The following ZNF330 variants were observed in gnomAD, a reference collection of about 807,000 sequenced individuals.
The protein encoded by ZNF330 is zinc finger protein 330.
A neutral mutation model predicts 45.5 loss-of-function variants in ZNF330; 31 were observed. That is an observed-to-expected ratio of 0.68 (90% confidence interval 0.51 to 0.92). The LOEUF (loss-of-function observed/expected upper bound fraction) is 0.92, where lower values mean the gene tolerates loss of function less well. Among genes scored for constraint, ZNF330 ranks in the 40% least tolerant of loss-of-function variants. The pLI is 0.00. For missense variants in ZNF330, 356 were observed against 387.4 expected (o/e 0.92, Z 0.68); for synonymous variants, 138 against 123.2 (o/e 1.12, Z -0.79).
chr4:141,222,592 A>G, intron 2 of ZNF330, 101 bp downstream of exon 2: 1 of 1,328,832 alleles, frequency 7.5e-7, no homozygotes, highest in Non-Finnish European at 1.0e-6. Flanking sequence ...GTGTTTTTGC[A>G]TATAGTTTGT....
At chr4:141,233,562 A>G (rs1048513102) in intron 9 of ZNF330, among the ~76,000 whole-genome samples, 153 bp from the exon 10 acceptor site, 13 of 152,116 alleles carry the variant, frequency 8.5e-5, no homozygotes, top group Admixed American at 6.6e-5. Flanking sequence ...ATGGTGTTGT[A>G]TATAGACTCA....
At position 141,231,470 on chromosome 4, in the gene ZNF330, A is replaced by T; in HGVS notation, c.555A>T (p.Ser185=). Residue 185 remains serine, a synonymous_variant, in exon 8 of 10, where the codon TCA becomes TCT. Transcript: ENST00000262990. ...CATGCAATCGGCTTGGTCAGCACTC[A>T]TGTCTCCGTTGTAAGGTATACCAAT... is the stretch of plus-strand genomic sequence containing the variant. The part of the protein sequence containing the change: ...CVSCNRLGQH[S]CLRCKACFCD... 1 of 1,604,486 alleles carries T rather than the reference A, an allele frequency of 6.2e-7. No individual in the cohort carries two copies. The highest frequency in any genetic ancestry group is 8.5e-7 in the Non-Finnish European group (1 of 1,176,058).
chr4:141,234,093 G>A lies in ZNF330; in HGVS notation c.*104G>A, dbSNP rs1234403993. ...AAGTACCTTAGCCACTTAGCCTTGT[G>A]CAGAAGACTAGTTACACTTAATGGG... On this transcript the variant is annotated 3_prime_UTR_variant, in exon 10 of 10. Coordinates refer to ENST00000262990, the MANE Select transcript of ZNF330 (RefSeq NM_014487.6). The A allele has an allele frequency of 1.3e-6, 2 of 1,489,182 alleles. No individual in the cohort carries two copies. Among genetic ancestry groups the A allele is most frequent in the African/African-American group, 1.4e-5 (1 of 71,170 alleles). 92.2% of individuals were successfully genotyped at this position (1,489,182 alleles called of 1,614,324 possible).
chr4:141,223,143 T>C (rs1224639092), intron 2 of ZNF330, among the ~76,000 whole-genome samples: 2 of 152,224 alleles, frequency 1.3e-5, no homozygotes, highest in Non-Finnish European at 2.9e-5. Context: ...AAACGTTTAT[T>C]GTGCATCTAC....
intron 2 of ZNF330, 61 bp downstream of exon 2, chr4:141,222,552 G>A (rs1222265653): frequency 3.9e-6 from 6 of 1,524,940 alleles, no homozygotes; most frequent in South Asian, 1.2e-5. Context: ...TTTATCTGAC[G>A]TATACCTGAA....
Position 141,231,434 on chromosome 4 carries a change from C to T in ZNF330, c.524-5C>T, listed in dbSNP as rs1728953095. 1.9e-6 allele frequency: 3 copies of T among 1,594,406 alleles called. No homozygotes were observed. Among genetic ancestry groups the T allele is most frequent in the Non-Finnish European group, 2.6e-6 (3 of 1,173,000 alleles). The stretch of plus-strand genomic sequence containing the variant: ...GGGATTTTAAAATTAATCTATTTCC[C>T]ACAGGTGTTTCATGCAATCGGCTTG... On this transcript the variant is annotated splice_polypyrimidine_tract_variant and splice_region_variant and intron_variant, in intron 7 of 9. Coordinates refer to ENST00000262990, the MANE Select transcript of ZNF330 (RefSeq NM_014487.6).
At chr4:141,232,006 G>T (rs1365837493) in intron 8 of ZNF330, among the ~76,000 whole-genome samples, 3 of 152,004 alleles carry the variant, frequency 2.0e-5, no homozygotes, top group Admixed American at 1.3e-4. Context: ...CATTATCTGT[G>T]TTTTCTTTGT....
intron 4 of ZNF330, among the ~76,000 whole-genome samples, chr4:141,225,731 T>C (rs781583440): frequency 2.0e-5 from 3 of 152,054 alleles, no homozygotes; most frequent in Non-Finnish European, 2.9e-5. Flanking sequence ...GGAACACTCA[T>C]ATGGTAGTTT....
At chr4:141,220,704 A>G (rs1728649472), upstream of ZNF330, among the ~76,000 whole-genome samples, 1 of 152,216 alleles carries the variant, frequency 6.6e-6, no homozygotes, top group Admixed American at 6.5e-5. Context: ...CTTTTTCTAA[A>G]AAAGTAAAAC....
At chr4:141,229,756 T>C in intron 6 of ZNF330, 59 bp downstream of exon 6, 1 of 1,606,060 alleles carries the variant, frequency 6.2e-7, no homozygotes, top group Non-Finnish European at 8.5e-7. Flanking sequence ...CTTTGAAACA[T>C]TTTGAATGCT....
chr4:141,220,826 TGGGCGGGGAAG>T (rs1332028454), upstream of ZNF330: 5 of 151,944 alleles, frequency 3.3e-5, no homozygotes, highest in African/African-American at 9.7e-5. Context: ...CCCGCAGGAG[TGGGCGGGGAAG>T]GGGCGGAGCG....
At chr4:141,228,843 C>A (rs1037142105) in intron 5 of ZNF330, among the ~76,000 whole-genome samples, 2 of 152,054 alleles carry the variant, frequency 1.3e-5, no homozygotes, top group African/African-American at 4.8e-5. Flanking sequence ...GTCTTGGGCC[C>A]CATGCTTTTC....
chr4:141,228,764 G>A (rs185314549), intron 5 of ZNF330, among the ~76,000 whole-genome samples: 28 of 152,108 alleles, frequency 1.8e-4, no homozygotes, highest in Non-Finnish European at 3.2e-4. Flanking sequence ...ATAGAATACT[G>A]AATTGAGATT....
chr4:141,230,292 GTTC>G, intron 7 of ZNF330, 22 bp downstream of exon 7: 2 of 1,458,660 alleles, frequency 1.4e-6, no homozygotes, highest in Non-Finnish European at 1.9e-6. Context: ...AGTATTAGAT[GTTC>G]TTTATACCCA....
chr4:141,227,192 A>G (rs1728827770), intron 5 of ZNF330, among the ~76,000 whole-genome samples: 1 of 151,412 alleles, frequency 6.6e-6, no homozygotes, highest in African/African-American at 2.4e-5. Flanking sequence ...CAGGTTTGTT[A>G]CATATGTATA....
At position 141,232,491 on chromosome 4, in the gene ZNF330, T is replaced by A. The variant is rs72935062; in HGVS notation, c.571-34T>A. 8,176 of 1,194,016 alleles carry A rather than the reference T, an allele frequency of 6.8e-3. 454 individuals are homozygous for A. In the African/African-American group the frequency reaches 0.11, roughly 17 times the overall value. 74.0% of individuals were successfully genotyped at this position (1,194,016 alleles called of 1,614,324 possible). On this transcript the variant is annotated intron_variant, in intron 8 of 9. Transcript: ENST00000262990. ...GTCTTTTTGTATATTTTTACATTTTTATTTATTTACTTTATTTTGCTTCTC... is the reference window on the plus strand; with the variant it reads ...GTCTTTTTGTATATTTTTACATTTTAATTTATTTACTTTATTTTGCTTCTC...
At chr4:141,232,375 TAAGAAAATGAAATGAG>T in intron 8 of ZNF330, 134 bp from the exon 9 acceptor site, 1 of 435,066 alleles carries the variant, frequency 2.3e-6, no homozygotes, top group East Asian at 3.6e-5. Context: ...CCATTTCTGT[TAAGAAAATGAAATGAG>T]AAGTGTGACT....
chr4:141,224,609 G>A lies in ZNF330; in HGVS notation c.143G>A (p.Arg48Gln), dbSNP rs751461707. ...ASMECDKCQR[R>Q]QKNRAFCYFC... ...AAAATTTTATTTTACATGACAAGGC[G>A]GCAGAAGAATAGAGCATTTTGCTAC... Residue 48 changes from arginine to glutamine, a missense_variant and splice_region_variant, in exon 4 of 10, where the codon CGG (arginine) becomes CAG (glutamine). Coordinates refer to ENST00000262990, the MANE Select transcript of ZNF330 (RefSeq NM_014487.6). 32 of 1,613,280 alleles carry A rather than the reference G, an allele frequency of 2.0e-5. No homozygotes were observed. The highest frequency in any genetic ancestry group is 6.7e-5 in the Admixed American group (4 of 59,964).
At position 141,229,556 on chromosome 4, in the gene ZNF330, G is replaced by A. The variant is rs747471652; in HGVS notation, c.292-15G>A. The A allele has an allele frequency of 6.2e-7, 1 of 1,612,276 alleles. No individual in the cohort carries two copies. The highest frequency in any genetic ancestry group is 8.5e-7 in the Non-Finnish European group (1 of 1,178,740). On this transcript the variant is annotated splice_polypyrimidine_tract_variant and intron_variant, in intron 5 of 9. Transcript: ENST00000262990. ...CAGGTGATAATGATTATGTATTCTTGTTCCTTGGTTACAGGGTGCAATATG... is the reference window on the plus strand; with the variant it reads ...CAGGTGATAATGATTATGTATTCTTATTCCTTGGTTACAGGGTGCAATATG...
Sources: gnomAD v4.1 joint callset for allele counts (sites outside exome capture counted in the v4.1 genomes callset) on GRCh38, gnomAD v4.1.1 for gene constraint, MANE v1.5 for transcripts, NCBI Gene and HGNC (gene_info 2026-07-23, HGNC 2026-07-21) for gene names.